Variants in SGK2 observed in about 807,000 individuals in gnomAD.
SGK2 encodes the protein serine/threonine-protein kinase Sgk2.
A neutral mutation model predicts 47.5 loss-of-function variants in SGK2; 36 were observed. That is an observed-to-expected ratio of 0.76 (90% CI 0.58 to 1.00). SGK2 has a LOEUF of 1.00. Among genes scored for constraint, SGK2 ranks in the 50% least tolerant of loss-of-function variants. SGK2 has a pLI of 0.00. For missense variants in SGK2, 404 were observed against 467.4 expected (o/e 0.86, Z 1.25); for synonymous variants, 157 against 181.9 (o/e 0.86, Z 1.10).
Position 43,567,685 on chromosome 20 carries a change from A to T in SGK2, c.107A>T (p.Asp36Val), listed in dbSNP as rs368110081. The T allele has an allele frequency of 1.9e-6, 3 of 1,614,108 alleles. No individual in the cohort carries two copies. In the Admixed American group the frequency reaches 5.0e-5, roughly 27 times the overall value. Residue 36 changes from aspartate (D) to valine (V), a missense_variant, in exon 4 of 13, where the codon GAC (aspartate) becomes GTC (valine). By Grantham distance (152) the Asp-to-Val change is radical. Transcript: ENST00000373100. ...CCCAGTGCCCAGCCCACGGACTTCG[A>T]CTTCCTCAAAGTCATCGGCAAAGGG... ...ANPNAQPTDF[D>V]FLKVIGKGNY...
intron 12 of SGK2, among the ~76,000 whole-genome samples, chr20:43,584,480 C>T (rs1980981611): frequency 6.6e-6 from 1 of 152,162 alleles, no homozygotes; most frequent in African/African-American, 2.4e-5. Flanking sequence ...CTATCACCAT[C>T]CTAAGTTACC....
chr20:43,575,081 T>G, intron 10 of SGK2, 77 bp downstream of exon 10: 4 of 935,842 alleles, frequency 4.3e-6, no homozygotes, highest in Non-Finnish European at 5.1e-6. Flanking sequence ...ACACAAGCTC[T>G]GTCCAGGAAA....
At chr20:43,577,792 C>T (rs996007627) in intron 11 of SGK2, among the ~76,000 whole-genome samples, 1 of 151,942 alleles carries the variant, frequency 6.6e-6, no homozygotes, top group Admixed American at 6.6e-5. Context: ...TACAGGCACC[C>T]GCCACCATGC....
chr20:43,564,495 GCACACACA>G (rs1979566404), intron 1 of SGK2, among the ~76,000 whole-genome samples: 1 of 152,052 alleles, frequency 6.6e-6, no homozygotes, highest in Non-Finnish European at 1.5e-5. Flanking sequence ...ATGCACGCGC[GCACACACA>G]TACACACACA....
chr20:43,567,025 C>A, intron 2 of SGK2, 43 bp from the exon 3 acceptor site: 1 of 1,552,526 alleles, frequency 6.4e-7, no homozygotes, highest in Non-Finnish European at 8.9e-7. Flanking sequence ...GGGAGGTAGC[C>A]AAGGAGTAGG....
rs1980371402 is a variant in SGK2 at position 43,574,927 on chromosome 20, C to T, written c.616C>T (p.Leu206Phe). Residue 206 changes from leucine (L) to phenylalanine (F), a missense_variant, in exon 10 of 13, where the codon CTT becomes TTT. By Grantham distance (22) the Leu-to-Phe change is conservative. Transcript: ENST00000373100. ...GTPEYLAPEV[L>F]RKEPYDRAVD... The stretch of plus-strand genomic sequence containing the variant: ...CTAACAGTACTTGGCACCTGAAGTG[C>T]TTCGGAAAGAGCCTTATGATCGAGC... The T allele has an allele frequency of 1.9e-6, 3 of 1,613,408 alleles. No individual in the cohort carries two copies. Among genetic ancestry groups the T allele is most frequent in the Non-Finnish European group, 2.5e-6 (3 of 1,179,570 alleles).
In SGK2 at chr20:43,576,123, T is replaced by G. The variant is rs192918820; in HGVS notation, c.694-101T>G. On this transcript the variant is annotated intron_variant, in intron 10 of 12. Coordinates refer to ENST00000373100, the MANE Select transcript of SGK2 (RefSeq NM_170693.3). Reference sequence around the variant, plus strand: ...TGCGAGCCATTGCACAAGACAGGGGTCATACTGAATCCTCCCAGCCGCCCA... The same window carrying G: ...TGCGAGCCATTGCACAAGACAGGGGGCATACTGAATCCTCCCAGCCGCCCA... The G allele has an allele frequency of 2.1e-3, 2,926 of 1,365,876 alleles. 15 individuals carry two copies. Among genetic ancestry groups the G allele is most frequent in the Middle Eastern group, 0.012 (67 of 5,490 alleles). 84.6% of individuals were successfully genotyped at this position (1,365,876 alleles called of 1,614,324 possible).
At chr20:43,566,767 G>A (rs1979750038) in intron 2 of SGK2, among the ~76,000 whole-genome samples, 2 of 152,150 alleles carry the variant, frequency 1.3e-5, no homozygotes, top group Non-Finnish European at 2.9e-5. Context: ...GGTTGCCTGT[G>A]AGACCCTGGG....
chr20:43,582,086 C>A (rs780555192), intron 12 of SGK2, among the ~76,000 whole-genome samples: 1 of 152,220 alleles, frequency 6.6e-6, no homozygotes, highest in Non-Finnish European at 1.5e-5. Context: ...CTCACTCTAT[C>A]ACCCAGGCTG....
intron 8 of SGK2, among the ~76,000 whole-genome samples, chr20:43,571,586 G>A (rs547853004): frequency 4.6e-5 from 7 of 152,240 alleles, no homozygotes; most frequent in African/African-American, 1.7e-4. Flanking sequence ...GACATGGATT[G>A]CTCCTAGGGA....
At chr20:43,573,009 G>T (rs1313815056) in intron 9 of SGK2, among the ~76,000 whole-genome samples, 2 of 152,154 alleles carry the variant, frequency 1.3e-5, no homozygotes, top group African/African-American at 4.8e-5. Flanking sequence ...GATCTGCAGG[G>T]TGAAGGCCAC....
intron 2 of SGK2, among the ~76,000 whole-genome samples, chr20:43,566,823 A>G (rs993523593): frequency 6.8e-6 from 1 of 146,062 alleles, no homozygotes; most frequent in African/African-American, 2.5e-5. Context: ...CAATTAGCAC[A>G]ACAGCCAGCT....
intron 11 of SGK2, among the ~76,000 whole-genome samples, chr20:43,579,625 A>T (rs778015049): frequency 6.6e-6 from 1 of 152,092 alleles, no homozygotes; most frequent in Non-Finnish European, 1.5e-5. Flanking sequence ...GAGTGAGGGG[A>T]GGGGTCTCCA....
chr20:43,559,842 G>T (rs1404755126), intron 1 of SGK2, among the ~76,000 whole-genome samples: 1 of 152,206 alleles, frequency 6.6e-6, no homozygotes, highest in Non-Finnish European at 1.5e-5. Flanking sequence ...GGCAGGGCCA[G>T]GGAGCTGTAA....
intron 5 of SGK2, 119 bp downstream of exon 5, chr20:43,568,118 C>A: frequency 1.3e-6 from 1 of 754,420 alleles, no homozygotes. Flanking sequence ...GAAGTGGTCA[C>A]AACAAAGGGT....
chr20:43,567,622 A>C, intron 3 of SGK2, 43 bp from the exon 4 acceptor site: 1 of 1,596,446 alleles, frequency 6.3e-7, no homozygotes, highest in Non-Finnish European at 8.6e-7. Flanking sequence ...CCAGGTTTCC[A>C]GACATTGCAA....
chr20:43,569,020 G>C (rs1394906567), intron 5 of SGK2, among the ~76,000 whole-genome samples: 1 of 152,140 alleles, frequency 6.6e-6, no homozygotes, highest in Non-Finnish European at 1.5e-5. Flanking sequence ...CCAGGAAGAG[G>C]AAATAGCATG....
chr20:43,575,108 T>C lies in SGK2; in HGVS notation c.693+104T>C, dbSNP rs182338748. Reference sequence around the variant, plus strand: ...TCCAGGAAAATGAGCAAGCCATCTCTTCATTCCAGACTAAAAAAGATAACG... The same window carrying C: ...TCCAGGAAAATGAGCAAGCCATCTCCTCATTCCAGACTAAAAAAGATAACG... On this transcript the variant is annotated intron_variant, in intron 10 of 12. Transcript: ENST00000373100. 3.6e-4 allele frequency: 254 copies of C among 710,950 alleles called. 1 individual carries two copies. The African/African-American group carries it at 3.9e-3, about 11-fold the overall frequency. The allele number at this position is 710,950 out of a possible 1,614,324, so 44.0% of individuals were successfully genotyped here. A position where few individuals can be genotyped will look rare whatever the true frequency, so the allele number is the denominator to read the frequency against.
chr20:43,567,676 C>A lies in SGK2; in HGVS notation c.98C>A (p.Thr33Lys). Reference protein sequence around the residue: ...GPSANPNAQPTDFDFLKVIGK... With the variant: ...GPSANPNAQPKDFDFLKVIGK... ...CCCTCTTCCCCCAGTGCCCAGCCCA[C>A]GGACTTCGACTTCCTCAAAGTCATC... Residue 33 changes from threonine to lysine, a missense_variant, in exon 4 of 13, where the codon ACG (threonine) becomes AAG (lysine). Coordinates refer to ENST00000373100, the MANE Select transcript of SGK2 (RefSeq NM_170693.3). The A allele has an allele frequency of 6.2e-7, 1 of 1,614,164 alleles. No individual in the cohort carries two copies. Among genetic ancestry groups the A allele is most frequent in the Non-Finnish European group, 8.5e-7 (1 of 1,180,012 alleles).
Sources: gnomAD v4.1 joint callset for allele counts (sites outside exome capture counted in the v4.1 genomes callset) on GRCh38, gnomAD v4.1.1 for gene constraint, MANE v1.5 for transcripts, NCBI Gene and HGNC (gene_info 2026-07-23, HGNC 2026-07-21) for gene names.